NEGR1: variants seen among roughly 807,000 people sequenced by gnomAD.
NEGR1 encodes neuronal growth regulator 1.
Under a neutral mutation model 40.9 loss-of-function variants are expected in NEGR1, and 10 were observed. The ratio of observed to expected loss-of-function variants is 0.24; its 90% CI spans 0.15 to 0.42. The LOEUF is 0.42. Among genes scored for constraint, NEGR1 ranks in the 10% least tolerant of loss-of-function variants. The pLI is 1.00. For missense variants in NEGR1, 352 were observed against 438.9 expected (o/e 0.80, Z 1.77); for synonymous variants, 185 against 166.8 (o/e 1.11, Z -0.84).
intron 2 of NEGR1, chr1:71,798,221 G>T (rs12120649): frequency 6.6e-6 from 1 of 151,912 alleles, no homozygotes; most frequent in Non-Finnish European, 1.5e-5. Context: ...AGTAATATCA[G>T]ACTCGGTGGA....
intron 2 of NEGR1, among the ~76,000 whole-genome samples, chr1:71,878,471 C>T (rs951686254): frequency 8.6e-5 from 13 of 152,024 alleles, no homozygotes; most frequent in Non-Finnish European, 1.3e-4. Context: ...GCTGGTTCAG[C>T]GACACTGAAA....
At chr1:71,960,527 A>C (rs574774194) in intron 1 of NEGR1, among the ~76,000 whole-genome samples, 1 of 152,342 alleles carries the variant, frequency 6.6e-6, no homozygotes, top group Non-Finnish European at 1.5e-5. Context: ...TCATAGCATA[A>C]AATGAAGATG....
At chr1:72,157,068 T>TCCTC (rs1651387166) in intron 1 of NEGR1, among the ~76,000 whole-genome samples, 1 of 152,078 alleles carries the variant, frequency 6.6e-6, no homozygotes, top group Non-Finnish European at 1.5e-5. Context: ...GCTCAAGCAA[T>TCCTC]CCTCCTACCT....
chr1:71,590,387 A>G (rs1485619097), intron 6 of NEGR1, among the ~76,000 whole-genome samples: 17 of 151,986 alleles, frequency 1.1e-4, no homozygotes, highest in Admixed American at 1.1e-3. Context: ...CTGCCCCATT[A>G]TGGTACCACT....
intron 4 of NEGR1, among the ~76,000 whole-genome samples, chr1:71,693,643 G>T (rs1295387612): frequency 1.3e-5 from 2 of 151,442 alleles, no homozygotes. Flanking sequence ...CTCACCCAAG[G>T]TTTCAAAGGC....
intron 1 of NEGR1, among the ~76,000 whole-genome samples, chr1:71,967,541 A>G (rs1182765870): frequency 6.6e-6 from 1 of 152,188 alleles, no homozygotes; most frequent in African/African-American, 2.4e-5. Context: ...GACATACATG[A>G]TTATAATTTT....
At chr1:72,068,288 T>C (rs149559157) in intron 1 of NEGR1, among the ~76,000 whole-genome samples, 2 of 152,092 alleles carry the variant, frequency 1.3e-5, no homozygotes, top group African/African-American at 4.8e-5. Context: ...CAGGATCCAA[T>C]CTGGTTGAGC....
chr1:71,841,125 T>A (rs1296814306), intron 2 of NEGR1, among the ~76,000 whole-genome samples: 1 of 152,056 alleles, frequency 6.6e-6, no homozygotes, highest in East Asian at 1.9e-4. Context: ...GAACCTTGAC[T>A]AATAAAACCT....
chr1:71,716,688 C>A (rs1353179830), intron 3 of NEGR1, among the ~76,000 whole-genome samples: 1 of 152,078 alleles, frequency 6.6e-6, no homozygotes, highest in Non-Finnish European at 1.5e-5. Flanking sequence ...ATGTCTATTC[C>A]TATGAGGTAA....
At chr1:71,980,394 G>A (rs1646344243) in intron 1 of NEGR1, among the ~76,000 whole-genome samples, 1 of 152,070 alleles carries the variant, frequency 6.6e-6, no homozygotes, top group African/African-American at 2.4e-5. Context: ...CCATGTGCCA[G>A]GATTTATTCT....
At chr1:71,690,198 T>A (rs1653206717) in intron 4 of NEGR1, among the ~76,000 whole-genome samples, 1 of 151,970 alleles carries the variant, frequency 6.6e-6, no homozygotes, top group African/African-American at 2.4e-5. Flanking sequence ...TCCTCTGAAG[T>A]TTAATAATGA....
At chr1:71,582,323 C>T (rs563301037) in intron 6 of NEGR1, among the ~76,000 whole-genome samples, 5 of 152,014 alleles carry the variant, frequency 3.3e-5, no homozygotes, top group Admixed American at 2.0e-4. Context: ...TTCTTCATGC[C>T]AATCTTATAA....
At chr1:72,042,924 G>A (rs1646968580) in intron 1 of NEGR1, among the ~76,000 whole-genome samples, 2 of 151,930 alleles carry the variant, frequency 1.3e-5, no homozygotes, top group South Asian at 4.1e-4. Flanking sequence ...GGCTAGAGAT[G>A]GGGCTAAAAC....
At chr1:72,120,989 A>T (rs1649781138) in intron 1 of NEGR1, among the ~76,000 whole-genome samples, 1 of 152,116 alleles carries the variant, frequency 6.6e-6, no homozygotes, top group Non-Finnish European at 1.5e-5. Flanking sequence ...AATTTACAAC[A>T]AATGTTTGCA....
At chr1:71,484,656 G>A (rs1646875504) in intron 6 of NEGR1, 1 of 151,638 alleles carries the variant, frequency 6.6e-6, no homozygotes, top group Non-Finnish European at 1.5e-5. Context: ...CGCAATGTAG[G>A]TTTTCCTTTT....
intron 6 of NEGR1, among the ~76,000 whole-genome samples, chr1:71,567,825 A>G (rs546968048): frequency 1.6e-4 from 19 of 118,258 alleles, no homozygotes; most frequent in African/African-American, 5.9e-4. Flanking sequence ...GCTGTCATCA[A>G]TGAGATTTTG....
intron 4 of NEGR1, among the ~76,000 whole-genome samples, chr1:71,614,170 A>T (rs1650364872): frequency 6.6e-6 from 1 of 152,050 alleles, no homozygotes; most frequent in African/African-American, 2.4e-5. Context: ...GGTGAAAAAA[A>T]TGAAATAATA....
chr1:71,808,731 T>C (rs1056647065), intron 2 of NEGR1, among the ~76,000 whole-genome samples: 1 of 152,114 alleles, frequency 6.6e-6, no homozygotes, highest in Non-Finnish European at 1.5e-5. Context: ...CATATTCTTA[T>C]TTCAGAAAAA....
At chr1:72,226,420 C>T (rs1314881302) in intron 1 of NEGR1, among the ~76,000 whole-genome samples, 1 of 151,942 alleles carries the variant, frequency 6.6e-6, no homozygotes, top group African/African-American at 2.4e-5. Flanking sequence ...AGGACATATA[C>T]CTACTTTCTG....
Sources: allele counts gnomAD v4.1 joint callset (sites outside exome capture counted in the v4.1 genomes callset), GRCh38; gene constraint gnomAD v4.1.1; transcripts MANE v1.5; gene names NCBI Gene and HGNC (gene_info 2026-07-23, HGNC 2026-07-21).